The following FOXP1 variants were observed in gnomAD, a reference collection of about 807,000 sequenced individuals.
The protein encoded by FOXP1 is forkhead box protein P1.
Under a neutral mutation model 98.2 loss-of-function variants are expected in FOXP1, and 15 were observed. The observed-to-expected ratio is 0.15, with a 90% CI of 0.10 to 0.24. The LOEUF is 0.24. FOXP1 is among the 10% of genes least tolerant of loss of function. The probability of loss-of-function intolerance (pLI) is 1.00; values close to 1 mark genes in which losing one functional copy is unlikely to be tolerated. For synonymous variants in FOXP1, 371 were observed against 314.5 expected (o/e 1.18, Z -1.90); for missense variants, 633 against 848.5 (o/e 0.75, Z 3.15).
At chr3:71,021,648 C>T (rs530633782) in intron 11 of FOXP1, among the ~76,000 whole-genome samples, 56 of 152,310 alleles carry the variant, frequency 3.7e-4, no homozygotes, top group Admixed American at 7.2e-4. Flanking sequence ...TTCTCACCAG[C>T]ACTGTGTGAG....
chr3:71,540,810 A>G (rs2044745662), intron 2 of FOXP1, among the ~76,000 whole-genome samples: 1 of 152,224 alleles, frequency 6.6e-6, no homozygotes, highest in Non-Finnish European at 1.5e-5. Flanking sequence ...TACACTTACA[A>G]GTGTAGCAAA....
intron 5 of FOXP1, among the ~76,000 whole-genome samples, chr3:71,222,034 T>C (rs2065434142): frequency 6.6e-6 from 1 of 152,126 alleles, no homozygotes; most frequent in East Asian, 1.9e-4. Context: ...GCGCCAGTAG[T>C]CCCAGCTACT....
chr3:71,271,670 A>G (rs1373188543), intron 5 of FOXP1, among the ~76,000 whole-genome samples: 5 of 152,204 alleles, frequency 3.3e-5, no homozygotes, highest in African/African-American at 1.2e-4. Flanking sequence ...CTCTGGGGCT[A>G]TGTTCCACAT....
rs185910035 is a variant in FOXP1, at chr3:71,231,029, T to C, written c.-11-32637A>G. 4.9e-4 allele frequency among the ~76,000 whole-genome samples: 75 copies of C among 152,288 alleles called. 3 individuals are homozygous for C. The highest frequency in any genetic ancestry group is 3.7e-3 in the Admixed American group (56 of 15,290). ...TGTTTTTCCCTCCGCTCTTTAATCA[T>C]AAGAAGGGGAAAAAAGCAAGTTTGC... On this transcript the variant is annotated intron_variant, in intron 5 of 20. Transcript: ENST00000649528.
At chr3:71,521,141 A>G (rs1184772435) in intron 2 of FOXP1, among the ~76,000 whole-genome samples, 2 of 151,962 alleles carry the variant, frequency 1.3e-5, no homozygotes, top group African/African-American at 4.8e-5. Flanking sequence ...GGGACATGAT[A>G]GCAGCAAGGA....
At chr3:71,349,982 G>C (rs2077673072) in intron 4 of FOXP1, among the ~76,000 whole-genome samples, 1 of 152,160 alleles carries the variant, frequency 6.6e-6, no homozygotes, top group Admixed American at 6.5e-5. Context: ...TTAGGAAAGT[G>C]GTTGTTAAAA....
chr3:71,160,985 T>C (rs1576121291), intron 6 of FOXP1, among the ~76,000 whole-genome samples: 1 of 152,292 alleles, frequency 6.6e-6, no homozygotes, highest in Admixed American at 6.5e-5. Flanking sequence ...TTAAGGAATT[T>C]CCCAGGTACA....
intron 3 of FOXP1, among the ~76,000 whole-genome samples, chr3:71,383,935 C>T (rs2080369436): frequency 6.6e-6 from 1 of 152,132 alleles, no homozygotes; most frequent in African/African-American, 2.4e-5. Context: ...ACATACAAGG[C>T]TGGCGGGCGC....
At chr3:71,248,674 G>A (rs2067945883) in intron 5 of FOXP1, among the ~76,000 whole-genome samples, 1 of 151,786 alleles carries the variant, frequency 6.6e-6, no homozygotes, top group African/African-American at 2.4e-5. Context: ...CTGGCAGGCG[G>A]AGCTTGCAGT....
intron 5 of FOXP1, among the ~76,000 whole-genome samples, chr3:71,238,585 A>T (rs1194301364): frequency 6.6e-6 from 1 of 152,230 alleles, no homozygotes; most frequent in Non-Finnish European, 1.5e-5. Flanking sequence ...CACAGTTGCC[A>T]CATGGAAAAG....
intron 4 of FOXP1, among the ~76,000 whole-genome samples, chr3:71,351,080 A>C (rs3732735): frequency 6.6e-6 from 1 of 152,092 alleles, no homozygotes; most frequent in African/African-American, 2.4e-5. Context: ...TCTTAAGAAA[A>C]GATCTTTTCT....
chr3:71,015,495 C>T lies in FOXP1; in HGVS notation c.974+54G>A, dbSNP rs1346809570. 3.6e-5 allele frequency: 44 copies of T among 1,217,612 alleles called. No homozygotes were observed. In the Middle Eastern group the frequency reaches 5.7e-4, roughly 16 times the overall value. 75.4% of individuals were successfully genotyped at this position (1,217,612 alleles called of 1,614,324 possible). On this transcript the variant is annotated intron_variant, in intron 12 of 20. Coordinates refer to ENST00000649528, the MANE Select transcript of FOXP1 (RefSeq NM_001349338.3). Reference sequence around the variant, plus strand: ...AGGCATTTTATGAGCAAAGCATGAACGGTGGGAGGTGTTGGCTATGTAAAA... The same window carrying T: ...AGGCATTTTATGAGCAAAGCATGAATGGTGGGAGGTGTTGGCTATGTAAAA...
rs2032198898 is a variant in FOXP1, at chr3:70,957,904, T to C, written c.*1343A>G. ...TCGAATTTGCATTCAAACAGTTTAA[T>C]GCCACCAAGTAGGTCTGAACTAATG... On this transcript the variant is annotated 3_prime_UTR_variant, in exon 21 of 21. Transcript: ENST00000649528. 1 of 235,000 alleles carries C rather than the reference T, an allele frequency of 4.3e-6. No individual in the cohort carries two copies. Among genetic ancestry groups the C allele is most frequent in the Non-Finnish European group, 8.4e-6 (1 of 118,924 alleles). 14.6% of individuals were successfully genotyped at this position (235,000 alleles called of 1,614,324 possible).
At chr3:71,258,065 T>C (rs1449191853) in intron 5 of FOXP1, among the ~76,000 whole-genome samples, 1 of 152,176 alleles carries the variant, frequency 6.6e-6, no homozygotes, top group Non-Finnish European at 1.5e-5. Flanking sequence ...AATATCTACA[T>C]AGTATGCTCT....
intron 5 of FOXP1, among the ~76,000 whole-genome samples, chr3:71,274,071 G>A (rs7647520): frequency 6.6e-6 from 1 of 151,942 alleles, no homozygotes; most frequent in Admixed American, 6.6e-5. Flanking sequence ...AGAAATGAAG[G>A]AGCCCTCCCT....
At chr3:71,433,265 AC>A (rs2084903534) in intron 3 of FOXP1, among the ~76,000 whole-genome samples, 1 of 152,118 alleles carries the variant, frequency 6.6e-6, no homozygotes, top group Non-Finnish European at 1.5e-5. Flanking sequence ...AGCCTGAACT[AC>A]CCCCAACCAC....
intron 6 of FOXP1, among the ~76,000 whole-genome samples, chr3:71,136,919 A>T (rs2059846103): frequency 1.3e-5 from 2 of 152,170 alleles, no homozygotes. Context: ...ATTTGTTTCC[A>T]TATTCACTAT....
intron 14 of FOXP1, among the ~76,000 whole-genome samples, chr3:70,979,276 C>A (rs1298337503): frequency 4.0e-5 from 2 of 50,318 alleles, no homozygotes; most frequent in African/African-American, 9.8e-5. Flanking sequence ...TGAGACTCTA[C>A]CTCAAAAAAA....
intron 7 of FOXP1, among the ~76,000 whole-genome samples, chr3:71,069,163 T>C (rs1262695668): frequency 1.3e-5 from 2 of 152,240 alleles, no homozygotes; most frequent in Admixed American, 6.5e-5. Context: ...CACTGTTCCA[T>C]AGGAGTTTAA....
Sources: gnomAD v4.1 joint callset for allele counts (sites outside exome capture counted in the v4.1 genomes callset) on GRCh38, gnomAD v4.1.1 for gene constraint, MANE v1.5 for transcripts, NCBI Gene and HGNC (gene_info 2026-07-23, HGNC 2026-07-21) for gene names.